Variants in CADPS2 observed in about 807,000 individuals in gnomAD.
The protein encoded by CADPS2 is calcium-dependent secretion activator 2.
CADPS2 carries 93 observed loss-of-function variants against 172.5 expected under a neutral mutation model. The observed-to-expected ratio is 0.54, with a 90% confidence interval of 0.46 to 0.64. CADPS2 has a LOEUF of 0.64. CADPS2 is among the 30% of genes least tolerant of loss of function. CADPS2 has a pLI of 0.00. For missense variants in CADPS2, 1,420 were observed against 1,565.9 expected, an observed-to-expected ratio of 0.91 and a Z score of 1.57; for synonymous variants, 546 against 555.2, an observed-to-expected ratio of 0.98 and a Z score of 0.23.
At chr7:122,497,951 TCTC>T (rs1435157282) in intron 9 of CADPS2, among the ~76,000 whole-genome samples, 2 of 152,050 alleles carry the variant, frequency 1.3e-5, no homozygotes, top group African/African-American at 4.8e-5. Context: ...CAACTGCAGT[TCTC>T]CTCTTGTAAT....
chr7:122,471,826 C>T (rs1322653286), intron 13 of CADPS2, among the ~76,000 whole-genome samples: 1 of 151,978 alleles, frequency 6.6e-6, no homozygotes, highest in African/African-American at 2.4e-5. Flanking sequence ...CAAAATTAGT[C>T]AAATTTATTC....
At chr7:122,622,166 G>A (rs2075670398) in intron 4 of CADPS2, among the ~76,000 whole-genome samples, 1 of 152,122 alleles carries the variant, frequency 6.6e-6, no homozygotes, top group South Asian at 2.1e-4. Context: ...TCTTACCACA[G>A]ATATGCGTTG....
chr7:122,442,658 G>A (rs1182846732), intron 15 of CADPS2, among the ~76,000 whole-genome samples: 4 of 152,064 alleles, frequency 2.6e-5, no homozygotes, highest in African/African-American at 9.7e-5. Context: ...TAATAGAAGA[G>A]ATTGATTTCT....
intron 13 of CADPS2, among the ~76,000 whole-genome samples, chr7:122,473,887 A>G (rs1379606393): frequency 6.6e-6 from 1 of 152,168 alleles, no homozygotes; most frequent in Non-Finnish European, 1.5e-5. Context: ...AGATGAAACC[A>G]AAACTTTCCT....
chr7:122,554,384 C>A (rs1302490918), intron 8 of CADPS2, among the ~76,000 whole-genome samples, 166 bp downstream of exon 8: 1 of 152,002 alleles, frequency 6.6e-6, no homozygotes, highest in African/African-American at 2.4e-5. Context: ...GCTATAAAGC[C>A]GTCTATGGGT....
chr7:122,576,073 G>C (rs2067997672), intron 7 of CADPS2, among the ~76,000 whole-genome samples: 1 of 152,100 alleles, frequency 6.6e-6, no homozygotes, highest in African/African-American at 2.4e-5. Context: ...GCAGCATATT[G>C]CATTTCGTTG....
intron 28 of CADPS2, among the ~76,000 whole-genome samples, chr7:122,335,052 A>G (rs1240132647): frequency 6.6e-6 from 1 of 152,218 alleles, no homozygotes; most frequent in African/African-American, 2.4e-5. Flanking sequence ...TGACATAGAT[A>G]GCCATCTCTA....
intron 1 of CADPS2, among the ~76,000 whole-genome samples, chr7:122,799,344 A>G (rs953922875): frequency 6.6e-6 from 1 of 152,238 alleles, no homozygotes; most frequent in African/African-American, 2.4e-5. Flanking sequence ...TCACGCCTGT[A>G]GTCCCAGCAC....
chr7:122,499,977 C>T (rs2059062836), intron 9 of CADPS2, among the ~76,000 whole-genome samples: 1 of 152,134 alleles, frequency 6.6e-6, no homozygotes, highest in African/African-American at 2.4e-5. Context: ...GGAAGGTCTG[C>T]CTTCCCTGCC....
chr7:122,803,488 C>T (rs1468612729), intron 1 of CADPS2, among the ~76,000 whole-genome samples: 1 of 152,150 alleles, frequency 6.6e-6, no homozygotes, highest in Admixed American at 6.5e-5. Context: ...TGACACAGAG[C>T]TTGCCATTTT....
intron 1 of CADPS2, among the ~76,000 whole-genome samples, chr7:122,815,930 G>C (rs1392469807): frequency 6.6e-6 from 1 of 152,122 alleles, no homozygotes; most frequent in Non-Finnish European, 1.5e-5. Flanking sequence ...GAGTACATGT[G>C]AAATTTTGAT....
chr7:122,392,295 AATGTAGAGTAGT>A (rs1247426026), intron 22 of CADPS2, among the ~76,000 whole-genome samples: 1 of 152,090 alleles, frequency 6.6e-6, no homozygotes, highest in African/African-American at 2.4e-5. Flanking sequence ...CAAAAACAAC[AATGTAGAGTAGT>A]AGTAATTATC....
chr7:122,361,002 C>A lies in CADPS2; in HGVS notation c.3399G>T (p.Val1133=), dbSNP rs1453045278. The A allele has an allele frequency of 2.5e-6, 4 of 1,613,452 alleles. No individual in the cohort carries two copies. In the East Asian group the frequency reaches 6.7e-5, roughly 27 times the overall value. The change falls in exon 26 of 30, where the codon GTG becomes GTT. Residue 1133 remains valine (V), a synonymous_variant. Transcript: ENST00000449022. ...ISLLVSKFVS[V]LEGVLSKLSR... is the part of the protein sequence containing the mutation. ...ACAGCTTAGACAACACGCCTTCCAA[C>A]ACTGAAACAAACTATAATACAGTTA...
intron 24 of CADPS2, among the ~76,000 whole-genome samples, chr7:122,383,450 T>G (rs1032029797): frequency 4.6e-5 from 7 of 152,072 alleles, no homozygotes; most frequent in African/African-American, 1.4e-4. Context: ...AGTTGAAATT[T>G]AAAAGAAGAA....
chr7:122,775,275 G>A (rs541231237), intron 1 of CADPS2, among the ~76,000 whole-genome samples: 1 of 152,288 alleles, frequency 6.6e-6, no homozygotes, highest in Admixed American at 6.5e-5. Context: ...CTGCCATAGC[G>A]TCATAGACGC....
intron 1 of CADPS2, among the ~76,000 whole-genome samples, chr7:122,764,254 T>C (rs1367265002): frequency 2.0e-5 from 3 of 152,148 alleles, no homozygotes; most frequent in Admixed American, 2.0e-4. Context: ...CATATCCCTG[T>C]CACAGAAGAG....
At chr7:122,668,512 G>A (rs1054586132) in intron 2 of CADPS2, among the ~76,000 whole-genome samples, 4 of 152,086 alleles carry the variant, frequency 2.6e-5, no homozygotes, top group Admixed American at 2.0e-4. Context: ...GGTTGGTGGT[G>A]TCAGAGTAGA....
At chr7:122,445,888 T>G (rs2052119990) in intron 15 of CADPS2, among the ~76,000 whole-genome samples, 2 of 152,194 alleles carry the variant, frequency 1.3e-5, no homozygotes, top group Admixed American at 6.5e-5. Flanking sequence ...GGTAAGATTT[T>G]CTACTCAGAT....
At chr7:122,592,493 T>C (rs1171702918) in intron 6 of CADPS2, among the ~76,000 whole-genome samples, 4 of 152,124 alleles carry the variant, frequency 2.6e-5, no homozygotes, top group Non-Finnish European at 4.4e-5. Flanking sequence ...ACTGGGTATA[T>C]ACCCACAGGA....
Sources: allele counts gnomAD v4.1 joint callset (sites outside exome capture counted in the v4.1 genomes callset), GRCh38; gene constraint gnomAD v4.1.1; transcripts MANE v1.5; gene names NCBI Gene and HGNC (gene_info 2026-07-23, HGNC 2026-07-21).